Variants in SVEP1 observed in about 807,000 individuals in gnomAD.
SVEP1 encodes sushi, von Willebrand factor type A, EGF and pentraxin domain-containing protein 1.
Under a neutral mutation model 367.3 loss-of-function variants are expected in SVEP1, and 164 were observed. The observed-to-expected ratio is 0.45, with a 90% CI of 0.39 to 0.51. The LOEUF is 0.51. Among genes scored for constraint, SVEP1 ranks in the 20% least tolerant of loss-of-function variants. SVEP1 has a pLI of 0.00. For missense variants in SVEP1, 4,117 were observed against 4,425.3 expected, an observed-to-expected ratio of 0.93 and a Z score of 1.98; for synonymous variants, 1,666 against 1,611.6, an observed-to-expected ratio of 1.03 and a Z score of -0.81.
intron 3 of SVEP1, among the ~76,000 whole-genome samples, chr9:110,522,413 A>C (rs1413818893): frequency 1.3e-5 from 2 of 152,212 alleles, no homozygotes; most frequent in Non-Finnish European, 2.9e-5. Flanking sequence ...CTTATCTGCC[A>C]GATGTTAACC....
At chr9:110,565,516 C>T (rs956275260) in intron 1 of SVEP1, among the ~76,000 whole-genome samples, 1 of 152,132 alleles carries the variant, frequency 6.6e-6, no homozygotes, top group Admixed American at 6.6e-5. Context: ...GCCTCAGTGG[C>T]TTGGTCTCTG....
intron 4 of SVEP1, 73 bp downstream of exon 4, chr9:110,513,875 G>A (rs762676319): frequency 3.6e-4 from 525 of 1,467,174 alleles, no homozygotes; most frequent in Middle Eastern, 1.7e-3. Context: ...TGAATTAGGT[G>A]CAAACACAAG....
In SVEP1 at chr9:110,434,581, T is replaced by C. The variant is rs1227683859; in HGVS notation, c.4889-75A>G. ...CATCACCAAGTCAATGATTTCAAACTGTATTCTGTATCAGCATTTGAGAGC... is the reference window on the plus strand; with the variant it reads ...CATCACCAAGTCAATGATTTCAAACCGTATTCTGTATCAGCATTTGAGAGC... On this transcript the variant is annotated intron_variant, in intron 29 of 47. Transcript: ENST00000374469. The C allele has an allele frequency of 1.9e-5, 27 of 1,437,722 alleles. No homozygotes were observed. In the East Asian group the frequency reaches 5.9e-4, roughly 31 times the overall value. The allele number at this position is 1,437,722 out of a possible 1,614,324, so 89.1% of individuals were successfully genotyped here.
At chr9:110,459,222 T>A in intron 18 of SVEP1, 109 bp from the exon 19 acceptor site, 1 of 1,024,080 alleles carries the variant, frequency 9.8e-7, no homozygotes, top group East Asian at 2.5e-5. Flanking sequence ...ATCTATATAA[T>A]CTCTTCCATA....
chr9:110,542,380 TA>T (rs1830162538), intron 3 of SVEP1, among the ~76,000 whole-genome samples: 1 of 152,186 alleles, frequency 6.6e-6, no homozygotes, highest in South Asian at 2.1e-4. Flanking sequence ...CTTCTGGATC[TA>T]AAAGGGAATG....
chr9:110,563,012 A>G (rs946545834), intron 1 of SVEP1, among the ~76,000 whole-genome samples: 2 of 152,218 alleles, frequency 1.3e-5, no homozygotes, highest in Non-Finnish European at 2.9e-5. Flanking sequence ...AGAAATATAA[A>G]TAAGTGTAAA....
At chr9:110,556,714 C>T (rs926073092) in intron 1 of SVEP1, among the ~76,000 whole-genome samples, 1 of 152,120 alleles carries the variant, frequency 6.6e-6, no homozygotes, top group Non-Finnish European at 1.5e-5. Flanking sequence ...GTCTTGAACT[C>T]CTGACCTCAG....
chr9:110,414,831 T>A (rs1275200471), intron 36 of SVEP1, among the ~76,000 whole-genome samples: 3 of 151,944 alleles, frequency 2.0e-5, no homozygotes, highest in Non-Finnish European at 2.9e-5. Flanking sequence ...ACAGGAAGCA[T>A]AAATCAGCAT....
At chr9:110,441,208 T>G (rs1828505136) in intron 27 of SVEP1, among the ~76,000 whole-genome samples, 1 of 152,230 alleles carries the variant, frequency 6.6e-6, no homozygotes, top group Non-Finnish European at 1.5e-5. Flanking sequence ...AAGAGTGATT[T>G]CATCAAAATT....
At chr9:110,416,206 A>G (rs1828119025) in intron 36 of SVEP1, among the ~76,000 whole-genome samples, 2 of 152,042 alleles carry the variant, frequency 1.3e-5, no homozygotes, top group Non-Finnish European at 2.9e-5. Flanking sequence ...TAGAGCACCA[A>G]TAAGTGAGAT....
At chr9:110,448,299 T>A (rs1489672298) in intron 24 of SVEP1, among the ~76,000 whole-genome samples, 2 of 152,392 alleles carry the variant, frequency 1.3e-5, no homozygotes, top group South Asian at 2.1e-4. Flanking sequence ...CAGTGATCAG[T>A]ACATGACTTT....
At chr9:110,570,995 T>G (rs1046306907) in intron 1 of SVEP1, among the ~76,000 whole-genome samples, 10 of 128,826 alleles carry the variant, frequency 7.8e-5, no homozygotes, top group African/African-American at 3.1e-4. Context: ...TTTTTTTTTT[T>G]GAGACAGGTC....
intron 9 of SVEP1, among the ~76,000 whole-genome samples, chr9:110,485,481 G>A (rs1829261899): frequency 6.6e-6 from 1 of 152,060 alleles, no homozygotes; most frequent in Non-Finnish European, 1.5e-5. Context: ...ATTCATGCAG[G>A]GCTCAATACC....
At chr9:110,533,477 C>G (rs966704160) in intron 3 of SVEP1, among the ~76,000 whole-genome samples, 1 of 152,172 alleles carries the variant, frequency 6.6e-6, no homozygotes, top group African/African-American at 2.4e-5. Context: ...TATGAGCACA[C>G]AGTTGCATAA....
chr9:110,566,359 T>C (rs1407648396), intron 1 of SVEP1, among the ~76,000 whole-genome samples: 1 of 150,350 alleles, frequency 6.7e-6, no homozygotes, highest in East Asian at 2.0e-4. Context: ...AATAAATAAA[T>C]AAATAAATAA....
At chr9:110,503,344 A>T (rs1453526137) in intron 5 of SVEP1, 127 bp from the exon 6 acceptor site, 1 of 854,778 alleles carries the variant, frequency 1.2e-6, no homozygotes, top group East Asian at 2.6e-5. Context: ...CAAACGACAC[A>T]TAATACACCA....
rs1336516004 is a variant in SVEP1 at position 110,549,939 on chromosome 9, C to A, written c.697G>T (p.Asp233Tyr). 1 of 1,614,038 alleles carries A rather than the reference C, an allele frequency of 6.2e-7. No homozygotes were observed. The highest frequency in any genetic ancestry group is 1.7e-5 in the Admixed American group (1 of 60,022). The change falls in exon 2 of 48, where the codon GAC becomes TAC. Residue 233 changes from aspartate to tyrosine, a missense_variant. By Grantham distance (160) the Asp-to-Tyr change is radical. Around this residue, in one of 4 missense-constraint regions of SVEP1, gnomAD observed 2,174 missense variants for 2,494.3 expected, o/e 0.87. Transcript: ENST00000374469. ...TCCTCCTTTGGGGTGGAAGCCATGTCATTCAGCTCTCGAATGTTCCCTTGC... is the reference window on the plus strand; with the variant it reads ...TCCTCCTTTGGGGTGGAAGCCATGTAATTCAGCTCTCGAATGTTCCCTTGC... ...IWQGNIRELNDMASTPKEEHC... is the reference protein window; with the variant it reads ...IWQGNIRELNYMASTPKEEHC...
chr9:110,405,278 T>C (rs1025248778), intron 38 of SVEP1, among the ~76,000 whole-genome samples: 1 of 151,666 alleles, frequency 6.6e-6, no homozygotes, highest in Non-Finnish European at 1.5e-5. Flanking sequence ...CTACATGGAC[T>C]CAGATACTAG....
intron 3 of SVEP1, among the ~76,000 whole-genome samples, chr9:110,524,633 C>T (rs1001768608): frequency 4.6e-5 from 7 of 151,812 alleles, no homozygotes; most frequent in Middle Eastern, 3.4e-3. Context: ...GATGAAAACT[C>T]TCAGAAAAGT....
Sources: allele counts gnomAD v4.1 joint callset (sites outside exome capture counted in the v4.1 genomes callset), GRCh38; gene constraint gnomAD v4.1.1; regional missense constraint gnomAD v4.1.1; transcripts MANE v1.5; gene names NCBI Gene and HGNC (gene_info 2026-07-23, HGNC 2026-07-21).